Variants in LNX2 observed in about 807,000 individuals in gnomAD.
LNX2 encodes ligand of Numb protein X 2.
Under a neutral mutation model 66.2 loss-of-function variants are expected in LNX2, and 35 were observed. The observed-to-expected ratio is 0.53, with a 90% confidence interval of 0.40 to 0.70. The LOEUF (loss-of-function observed/expected upper bound fraction) is 0.70. Ranked by LOEUF, LNX2 falls within the 30% of genes least tolerant of loss-of-function variation. The probability of loss-of-function intolerance (pLI) is 0.00; values close to 1 mark genes in which losing one functional copy is unlikely to be tolerated. For synonymous variants in LNX2, 337 were observed against 315.6 expected, an observed-to-expected ratio of 1.07 and a Z score of -0.72; for missense variants, 791 against 850.8, an observed-to-expected ratio of 0.93 and a Z score of 0.87.
At chr13:27,615,822 G>A (rs923927410) in intron 1 of LNX2, among the ~76,000 whole-genome samples, 3 of 152,104 alleles carry the variant, frequency 2.0e-5, no homozygotes, top group Non-Finnish European at 4.4e-5. Context: ...CTTCCTCACT[G>A]GATCAATTCT....
In LNX2 at chr13:27,547,936, G is replaced by A. The variant is rs1954961280; in HGVS notation, c.*399C>T. 5.5e-6 allele frequency: 1 copy of A among 181,808 alleles called. No individual in the cohort carries two copies. Among genetic ancestry groups the A allele is most frequent in the Non-Finnish European group, 1.2e-5 (1 of 85,486 alleles). The allele number at this position is 181,808 out of a possible 1,614,324, so 11.3% of individuals were successfully genotyped here. Reference sequence around the variant, plus strand: ...GGTTATGACAGTGGCAGTACACGCTGTTGTTACTGGCTTTGCTGACATCAG... The same window carrying A: ...GGTTATGACAGTGGCAGTACACGCTATTGTTACTGGCTTTGCTGACATCAG... On this transcript the variant is annotated 3_prime_UTR_variant, in exon 10 of 10. Transcript: ENST00000316334.
intron 1 of LNX2, among the ~76,000 whole-genome samples, chr13:27,604,688 T>C (rs899166312): frequency 2.7e-4 from 41 of 151,964 alleles, no homozygotes; most frequent in Non-Finnish European, 4.6e-4. Flanking sequence ...ATATAAAAAG[T>C]AAAAAATTCT....
At chr13:27,591,002 ATGTG>A (rs890540607) in intron 1 of LNX2, among the ~76,000 whole-genome samples, 22 of 152,058 alleles carry the variant, frequency 1.4e-4, no homozygotes, top group Non-Finnish European at 3.1e-4. Flanking sequence ...GTGTATATAT[ATGTG>A]TGTGTACACA....
intron 6 of LNX2, among the ~76,000 whole-genome samples, chr13:27,558,207 AG>A (rs1158306812): frequency 3.3e-5 from 5 of 152,086 alleles, no homozygotes; most frequent in African/African-American, 4.8e-5. Flanking sequence ...TGTTTTCCCT[AG>A]GAGACCTTTA....
At position 27,548,433 on chromosome 13, in the gene LNX2, T is replaced by G; in HGVS notation, c.1975A>C (p.Thr659Pro). The G allele has an allele frequency of 6.2e-7, 1 of 1,614,100 alleles. No individual in the cohort carries two copies. The highest frequency in any genetic ancestry group is 2.2e-5 in the East Asian group (1 of 44,876). The change falls in exon 10 of 10, where the codon ACC becomes CCC. Residue 659 changes from threonine to proline, a missense_variant. Physicochemically the swap from Thr to Pro is conservative, Grantham distance 38. Transcript: ENST00000316334. ...AGTGCAGAGTGGCTCATGCCCACGG[T>G]TGACAGCCCATTTACGGCCACAATC... ...DMIVAVNGLS[T>P]VGMSHSALVP...
chr13:27,570,213 C>T (rs1359086577), intron 2 of LNX2, among the ~76,000 whole-genome samples: 1 of 152,114 alleles, frequency 6.6e-6, no homozygotes, highest in African/African-American at 2.4e-5. Context: ...AGGCCTACCA[C>T]GACTCTACGG....
At chr13:27,565,679 T>C (rs1447475458) in intron 4 of LNX2, among the ~76,000 whole-genome samples, 1 of 152,240 alleles carries the variant, frequency 6.6e-6, no homozygotes, top group Non-Finnish European at 1.5e-5. Flanking sequence ...TGTTCCTGTA[T>C]TCGTCTATTA....
chr13:27,589,165 T>G (rs1955523740), intron 1 of LNX2, among the ~76,000 whole-genome samples: 1 of 152,218 alleles, frequency 6.6e-6, no homozygotes, highest in African/African-American at 2.4e-5. Context: ...GGAAAAATGC[T>G]TGATTGAGCC....
intron 6 of LNX2, 87 bp downstream of exon 6, chr13:27,559,755 G>T: frequency 7.6e-7 from 1 of 1,320,448 alleles, no homozygotes; most frequent in South Asian, 1.9e-5. Flanking sequence ...AGGTGTGACT[G>T]ACACACAAAA....
chr13:27,548,112 T>C lies in LNX2; in HGVS notation c.*223A>G, dbSNP rs887489693. The C allele has an allele frequency of 1.2e-5, 6 of 492,822 alleles. No homozygotes were observed. The highest frequency in any genetic ancestry group is 2.1e-5 in the Non-Finnish European group (6 of 279,340). The allele number at this position is 492,822 out of a possible 1,614,324, so 30.5% of individuals were successfully genotyped here. Reference sequence around the variant, plus strand: ...CAACTAAGTCTGAATTCTGAAAATATAAACTCACAAAGGTTAGTGGAAGAC... The same window carrying C: ...CAACTAAGTCTGAATTCTGAAAATACAAACTCACAAAGGTTAGTGGAAGAC... On this transcript the variant is annotated 3_prime_UTR_variant, in exon 10 of 10. Transcript: ENST00000316334.
intron 1 of LNX2, among the ~76,000 whole-genome samples, chr13:27,593,510 C>T (rs1955566089): frequency 6.6e-6 from 1 of 151,478 alleles, no homozygotes; most frequent in South Asian, 2.1e-4. Context: ...ACTACTTTAT[C>T]TCTCTTCAAT....
chr13:27,575,082 G>C (rs1396976759), intron 2 of LNX2, among the ~76,000 whole-genome samples: 2 of 152,208 alleles, frequency 1.3e-5, no homozygotes, highest in East Asian at 3.9e-4. Flanking sequence ...CCATCAGGCT[G>C]ATGTGAAAGG....
chr13:27,557,530 A>G (rs896743206), intron 6 of LNX2, among the ~76,000 whole-genome samples: 15 of 152,106 alleles, frequency 9.9e-5, no homozygotes, highest in African/African-American at 3.6e-4. Context: ...AACACTTATT[A>G]ACTGTTAAGA....
chr13:27,563,782 C>G (rs1235875108), intron 4 of LNX2, among the ~76,000 whole-genome samples: 1 of 152,154 alleles, frequency 6.6e-6, no homozygotes, highest in Non-Finnish European at 1.5e-5. Context: ...TTCCTATTGA[C>G]TTAGGATTGA....
At position 27,560,565 on chromosome 13, in the gene LNX2, G is replaced by GCATATATATATATATATATATATA. The variant is rs1242930383; in HGVS notation, c.1225-581_1225-580insTATATATATATATATATATATATG. On this transcript the variant is annotated intron_variant, in intron 5 of 9. Transcript: ENST00000316334. ...ATAACAAGACTTTATATGTATGTGT[G>GCATATATATATATATATATATATA]TATATATATATATATATATAGCATA... Among the ~76,000 whole-genome samples the GCATATATATATATATATATATATA allele has an allele frequency of 1.7e-3, 199 of 119,968 alleles. 3 individuals carry two copies. The highest frequency in any genetic ancestry group is 6.0e-3 in the East Asian group (27 of 4,494). The allele number at this position is 119,968 out of a possible 152,430, so 78.7% of individuals were successfully genotyped here. A position where few individuals can be genotyped will look rare whatever the true frequency, so the allele number is the denominator to read the frequency against.
At chr13:27,591,825 G>A (rs1333118566) in intron 1 of LNX2, among the ~76,000 whole-genome samples, 18 of 152,178 alleles carry the variant, frequency 1.2e-4, no homozygotes. Flanking sequence ...GGAAGTCACA[G>A]TACTGGGAGG....
chr13:27,555,987 A>C lies in LNX2; in HGVS notation c.1546+249T>G, dbSNP rs150864187. Among the ~76,000 whole-genome samples, 56 of 152,314 alleles carry C rather than the reference A, an allele frequency of 3.7e-4. 1 individual carries two copies. The highest frequency in any genetic ancestry group is 1.3e-3 in the African/African-American group (52 of 41,580). On this transcript the variant is annotated intron_variant, in intron 7 of 9. Coordinates refer to ENST00000316334, the MANE Select transcript of LNX2 (RefSeq NM_153371.4). ...ATGCTAGAGGATCTTTTCCCAAGAT[A>C]AAATAATCTAAGAGTCTGAGTAACT...
At position 27,592,462 on chromosome 13, in the gene LNX2, A is replaced by G. The variant is rs374857988; in HGVS notation, c.-100-10659T>C. 1.3e-4 allele frequency among the ~76,000 whole-genome samples: 20 copies of G among 152,330 alleles called. No homozygotes were observed. The East Asian group carries it at 2.3e-3, about 18-fold the overall frequency. On this transcript the variant is annotated intron_variant, in intron 1 of 9. Coordinates refer to ENST00000316334, the MANE Select transcript of LNX2 (RefSeq NM_153371.4). ...CTGTAAGAGAGCAGGTTTAATGGGT[A>G]TGCTCAAGCTGGAATATGTAAAATT...
intron 1 of LNX2, among the ~76,000 whole-genome samples, chr13:27,596,888 G>A (rs1357764213): frequency 2.6e-5 from 4 of 152,164 alleles, no homozygotes; most frequent in African/African-American, 9.6e-5. Flanking sequence ...ATAACATACA[G>A]ATAAATGTCT....
Sources: gnomAD v4.1 joint callset for allele counts (sites outside exome capture counted in the v4.1 genomes callset) on GRCh38, gnomAD v4.1.1 for gene constraint, MANE v1.5 for transcripts, NCBI Gene and HGNC (gene_info 2026-07-23, HGNC 2026-07-21) for gene names.